FIGN: variants seen among roughly 807,000 people sequenced by gnomAD.
FIGN encodes fidgetin.
Under a neutral mutation model 51.3 loss-of-function variants are expected in FIGN, and 11 were observed. The observed-to-expected ratio is 0.21, with a 90% CI of 0.13 to 0.35. The LOEUF is 0.35. Ranked by LOEUF, FIGN falls within the 10% of genes least tolerant of loss-of-function variation. The pLI, the probability that FIGN is intolerant of heterozygous loss-of-function variation, is 1.00. For synonymous variants in FIGN, 407 were observed against 363.2 expected (o/e 1.12, Z -1.37); for missense variants, 857 against 943.6 (o/e 0.91, Z 1.20).
chr2:163,663,205 T>C (rs901244619), intron 2 of FIGN, among the ~76,000 whole-genome samples: 11 of 151,744 alleles, frequency 7.2e-5, no homozygotes, highest in African/African-American at 2.4e-4. Context: ...ACAGGCGTGA[T>C]CGACCGCACC....
chr2:163,694,542 C>A (rs1020825805), intron 2 of FIGN, among the ~76,000 whole-genome samples: 4 of 152,132 alleles, frequency 2.6e-5, no homozygotes, highest in African/African-American at 9.7e-5. Context: ...TAGTAAAACA[C>A]AGAACCAGAT....
At chr2:163,634,103 TG>T (rs1195538007) in intron 2 of FIGN, among the ~76,000 whole-genome samples, 5 of 151,508 alleles carry the variant, frequency 3.3e-5, no homozygotes, top group Admixed American at 2.6e-4. Context: ...TGTGTGTGTG[TG>T]TGTGTGTGTG....
Position 163,605,627 on chromosome 2 carries a change from A to T in FIGN, c.*3925T>A, listed in dbSNP as rs1192444164. 2 of 151,774 alleles carry T rather than the reference A, an allele frequency of 1.3e-5. No homozygotes were observed. Among genetic ancestry groups the T allele is most frequent in the Non-Finnish European group, 2.9e-5 (2 of 67,936 alleles). The allele number at this position is 151,774 out of a possible 1,614,324, so 9.4% of individuals were successfully genotyped here. A position where few individuals can be genotyped will look rare whatever the true frequency, so the allele number is the denominator to read the frequency against. ...CACATACACACATACAAACACACAC[A>T]CTAATTTTATATTTATATATATATA... On this transcript the variant is annotated 3_prime_UTR_variant, in exon 3 of 3. Transcript: ENST00000333129.
At chr2:163,626,317 C>T (rs933855779) in intron 2 of FIGN, among the ~76,000 whole-genome samples, 1 of 152,060 alleles carries the variant, frequency 6.6e-6, no homozygotes, top group Non-Finnish European at 1.5e-5. Flanking sequence ...TACTACAAAA[C>T]CTATATCCTG....
At chr2:163,732,120 C>A (rs1381093086) in intron 2 of FIGN, among the ~76,000 whole-genome samples, 1 of 152,156 alleles carries the variant, frequency 6.6e-6, no homozygotes, top group African/African-American at 2.4e-5. Context: ...ATTTTCCTAA[C>A]AATACCTTTT....
In FIGN at chr2:163,664,845, C is replaced by T. The variant is rs959023498; in HGVS notation, c.26-53039G>A. On this transcript the variant is annotated intron_variant, in intron 2 of 2. Transcript: ENST00000333129. Reference sequence around the variant, plus strand: ...CGTAGTTAGTTCAACAAACCAATAACGTGGGTTCTAACATTGCGTCACACC... The same window carrying T: ...CGTAGTTAGTTCAACAAACCAATAATGTGGGTTCTAACATTGCGTCACACC... Among the ~76,000 whole-genome samples, 5 of 152,158 alleles carry T rather than the reference C, an allele frequency of 3.3e-5. No individual in the cohort carries two copies. The East Asian group carries it at 7.7e-4, about 23-fold the overall frequency.
In FIGN at chr2:163,658,489, TCA is replaced by T. The variant is rs550964873; in HGVS notation, c.26-46685_26-46684del. 2.0e-5 allele frequency among the ~76,000 whole-genome samples: 3 copies of T among 151,986 alleles called. No homozygotes were observed. The South Asian group carries it at 6.3e-4, about 32-fold the overall frequency. Reference sequence around the variant, plus strand: ...TTATAAAGAAAAAGGTTTATTTGACTCACAATTCTGCCAGCTGTACAAGAAGC... The same window carrying T: ...TTATAAAGAAAAAGGTTTATTTGACTCAATTCTGCCAGCTGTACAAGAAGC... On this transcript the variant is annotated intron_variant, in intron 2 of 2. Coordinates refer to ENST00000333129, the MANE Select transcript of FIGN (RefSeq NM_018086.4).
chr2:163,617,922 G>A (rs1241837666), intron 2 of FIGN, among the ~76,000 whole-genome samples: 2 of 152,090 alleles, frequency 1.3e-5, no homozygotes, highest in African/African-American at 2.4e-5. Context: ...GAAAAGGCCA[G>A]GGGTGCATTA....
chr2:163,720,331 C>A (rs13026329), intron 2 of FIGN, among the ~76,000 whole-genome samples: 83,134 of 151,982 alleles, frequency 0.55, 25,760 homozygotes, highest in Admixed American at 0.69. Flanking sequence ...AAACCCTGGA[C>A]AAAGACAAGG....
chr2:163,617,602 G>A (rs1682901343), intron 2 of FIGN, among the ~76,000 whole-genome samples: 1 of 152,042 alleles, frequency 6.6e-6, no homozygotes, highest in Admixed American at 6.6e-5. Flanking sequence ...TTTATTTGGA[G>A]CCATTGATAG....
chr2:163,709,114 C>G (rs1684548281), intron 2 of FIGN, among the ~76,000 whole-genome samples: 2 of 152,036 alleles, frequency 1.3e-5, no homozygotes, highest in South Asian at 4.1e-4. Flanking sequence ...CTTAGAAAGC[C>G]AAGTTTCCAC....
chr2:163,602,909 A>T lies in FIGN; in HGVS notation c.*6643T>A, dbSNP rs1458264976. The T allele has an allele frequency of 1.3e-5, 2 of 152,022 alleles. No homozygotes were observed. Among genetic ancestry groups the T allele is most frequent in the African/African-American group, 4.8e-5 (2 of 41,424 alleles). 9.4% of individuals were successfully genotyped at this position (152,022 alleles called of 1,614,324 possible). On this transcript the variant is annotated 3_prime_UTR_variant, in exon 3 of 3. Coordinates refer to ENST00000333129, the MANE Select transcript of FIGN (RefSeq NM_018086.4). ...ATATTACAGTGCCAACACCCAAGAA[A>T]ATGAGATGCAATGGATTACAATTGA...
chr2:163,701,814 GACTTTA>G lies in FIGN; in HGVS notation c.25+33083_25+33088del, dbSNP rs1055119798. On this transcript the variant is annotated intron_variant, in intron 2 of 2. Coordinates refer to ENST00000333129, the MANE Select transcript of FIGN (RefSeq NM_018086.4). The stretch of plus-strand genomic sequence containing the variant: ...CAGCTCTGGTTTCTCTTCCCTTCAT[GACTTTA>G]ACTTTAACATGACACTTGAATCTGA... 3.3e-5 allele frequency among the ~76,000 whole-genome samples: 5 copies of G among 152,050 alleles called. No homozygotes were observed. The East Asian group carries it at 7.7e-4, about 23-fold the overall frequency.
intron 2 of FIGN, among the ~76,000 whole-genome samples, chr2:163,634,333 A>G (rs1431715424): frequency 6.6e-6 from 1 of 152,018 alleles, no homozygotes; most frequent in African/African-American, 2.4e-5. Context: ...TTCTGTAGGT[A>G]TTTCTATTTC....
At chr2:163,653,337 A>G (rs1683507474) in intron 2 of FIGN, among the ~76,000 whole-genome samples, 1 of 152,088 alleles carries the variant, frequency 6.6e-6, no homozygotes, top group African/African-American at 2.4e-5. Context: ...TCTTGAGTTT[A>G]TGCACTATAT....
In FIGN at chr2:163,649,471, A is replaced by G. The variant is rs183279723; in HGVS notation, c.26-37665T>C. ...GAGGCCACATGGAGAGGTCACATAGAGAGAAAAGGCCCTGAGACTAAGGCA... is the reference window on the plus strand; with the variant it reads ...GAGGCCACATGGAGAGGTCACATAGGGAGAAAAGGCCCTGAGACTAAGGCA... On this transcript the variant is annotated intron_variant, in intron 2 of 2. Coordinates refer to ENST00000333129, the MANE Select transcript of FIGN (RefSeq NM_018086.4). Among the ~76,000 whole-genome samples, 330 of 152,248 alleles carry G rather than the reference A, an allele frequency of 2.2e-3. 1 individual carries two copies. Among genetic ancestry groups the G allele is most frequent in the South Asian group, 0.012 (56 of 4,816 alleles).
chr2:163,614,278 G>T (rs1454505119), intron 2 of FIGN, among the ~76,000 whole-genome samples: 3 of 152,158 alleles, frequency 2.0e-5, no homozygotes, highest in Non-Finnish European at 4.4e-5. Flanking sequence ...CAATTTTAAT[G>T]AAGCAGCATT....
chr2:163,624,399 T>C (rs1683022531), intron 2 of FIGN, among the ~76,000 whole-genome samples: 1 of 151,122 alleles, frequency 6.6e-6, no homozygotes, highest in South Asian at 2.1e-4. Flanking sequence ...TACCCATTTA[T>C]AGCTTTATAT....
chr2:163,712,053 T>G (rs1684595951), intron 2 of FIGN, among the ~76,000 whole-genome samples: 1 of 152,094 alleles, frequency 6.6e-6, no homozygotes, highest in Non-Finnish European at 1.5e-5. Flanking sequence ...TGCTTTGCCT[T>G]TTTTTAAACA....
Sources: allele counts gnomAD v4.1 joint callset (sites outside exome capture counted in the v4.1 genomes callset), GRCh38; gene constraint gnomAD v4.1.1; transcripts MANE v1.5; gene names NCBI Gene and HGNC (gene_info 2026-07-23, HGNC 2026-07-21).